The following SLC16A4 variants were observed in gnomAD, a reference collection of about 807,000 sequenced individuals.
SLC16A4 encodes the protein solute carrier family 16 member 4, also known as probable monocarboxylate transporter 5.
A neutral mutation model predicts 47.9 loss-of-function variants in SLC16A4; 39 were observed. The ratio of observed to expected loss-of-function variants is 0.81; its 90% CI spans 0.63 to 1.06. The LOEUF is 1.06. SLC16A4 is among the 50% of genes least tolerant of loss of function. The pLI is 0.00. For missense variants in SLC16A4, 524 were observed against 573.8 expected, an observed-to-expected ratio of 0.91 and a Z score of 0.89; for synonymous variants, 189 against 199.9, an observed-to-expected ratio of 0.95 and a Z score of 0.46.
At chr1:110,388,389 A>G (rs2101081531) in intron 2 of SLC16A4, among the ~76,000 whole-genome samples, 1 of 152,358 alleles carries the variant, frequency 6.6e-6, no homozygotes, top group South Asian at 2.1e-4. Context: ...TCCCTTTCCA[A>G]ACACATCGGA....
chr1:110,376,618 T>C (rs1662018130), intron 7 of SLC16A4, among the ~76,000 whole-genome samples: 1 of 152,198 alleles, frequency 6.6e-6, no homozygotes, highest in South Asian at 2.1e-4. Context: ...TCTTTAAGAT[T>C]GTGTCTTAAA....
chr1:110,382,695 C>T, intron 3 of SLC16A4, 139 bp downstream of exon 3: 2 of 837,676 alleles, frequency 2.4e-6, no homozygotes, highest in Non-Finnish European at 3.4e-6. Flanking sequence ...ATTGCAATTC[C>T]TTACTTTCTC....
chr1:110,366,678 C>G (rs544452560), intron 8 of SLC16A4, among the ~76,000 whole-genome samples: 8 of 152,206 alleles, frequency 5.3e-5, no homozygotes, highest in African/African-American at 1.9e-4. Context: ...TACCATATAG[C>G]CTAGGTGTGT....
Position 110,382,949 on chromosome 1 carries a change from C to T in SLC16A4, c.105G>A (p.Met35Ile). Residue 35 changes from methionine (M) to isoleucine (I), a missense_variant, in exon 3 of 9, where the codon ATG becomes ATA. Physicochemically the swap from Met to Ile is conservative, Grantham distance 10 (BLOSUM62 1). Coordinates refer to ENST00000369779, the MANE Select transcript of SLC16A4 (RefSeq NM_004696.3). ...AAATTGCAAAAGTCTTGGTCATCCC[C>T]ATCACAAACACATTCACCTAAATCA... Reference protein sequence around the residue: ...IHFFLVNVFVMGMTKTFAIFF... With the variant: ...IHFFLVNVFVIGMTKTFAIFF... 2 of 1,610,026 alleles carry T rather than the reference C, an allele frequency of 1.2e-6. No homozygotes were observed. The highest frequency in any genetic ancestry group is 1.7e-6 in the Non-Finnish European group (2 of 1,177,396).
rs1242161595 is a variant in SLC16A4, at chr1:110,363,869, G to A, written c.1361C>T (p.Thr454Ile). Reference sequence around the variant, plus strand: ...AGAGAAGTAGAAAGAGCCATTGTATGTCTGGGTATAATCATATAACCAGCC... The same window carrying A: ...AGAGAAGTAGAAAGAGCCATTGTATATCTGGGTATAATCATATAACCAGCC... ...IAGWLYDYTQ[T>I]YNGSFYFSGI... Residue 454 changes from threonine (T) to isoleucine (I), a missense_variant, in exon 9 of 9, where the codon ACA (threonine) becomes ATA (isoleucine). Physicochemically the swap from Thr to Ile is moderately conservative, Grantham distance 89 (BLOSUM62 -1). Transcript: ENST00000369779. 6.2e-7 allele frequency: 1 copy of A among 1,612,634 alleles called. No homozygotes were observed. The highest frequency in any genetic ancestry group is 8.5e-7 in the Non-Finnish European group (1 of 1,179,478).
At chr1:110,386,341 T>C (rs1662731971) in intron 2 of SLC16A4, among the ~76,000 whole-genome samples, 1 of 152,188 alleles carries the variant, frequency 6.6e-6, no homozygotes, top group African/African-American at 2.4e-5. Flanking sequence ...AAGGTCTAGG[T>C]TTTTCCTTAG....
At chr1:110,381,944 G>T (rs1662422114) in intron 3 of SLC16A4, 149 bp from the exon 4 acceptor site, 5 of 770,094 alleles carry the variant, frequency 6.5e-6, no homozygotes, top group Non-Finnish European at 1.0e-5. Context: ...TTTCATATCG[G>T]GTTTCTTAAT....
chr1:110,370,612 G>A (rs1435912342), intron 8 of SLC16A4: 4 of 152,150 alleles, frequency 2.6e-5, no homozygotes, highest in African/African-American at 9.7e-5. Flanking sequence ...TAGACTTGGT[G>A]CAAAATTACC....
intron 2 of SLC16A4, among the ~76,000 whole-genome samples, chr1:110,388,604 T>C (rs535981248): frequency 6.6e-6 from 1 of 152,330 alleles, no homozygotes; most frequent in East Asian, 1.9e-4. Flanking sequence ...AAAGTATGAT[T>C]GTCCCCAAAC....
intron 5 of SLC16A4, among the ~76,000 whole-genome samples, chr1:110,380,562 G>T (rs1426284523): frequency 6.8e-6 from 1 of 146,798 alleles, no homozygotes; most frequent in African/African-American, 2.5e-5. Flanking sequence ...TCCGATGGGG[G>T]AGGAGTTTTT....
rs971904832 is a variant in SLC16A4, at chr1:110,381,534, G to C, written c.364+118C>G. 19 of 955,996 alleles carry C rather than the reference G, an allele frequency of 2.0e-5. No homozygotes were observed. In the African/African-American group the frequency reaches 2.6e-4, roughly 13 times the overall value. 59.2% of individuals were successfully genotyped at this position (955,996 alleles called of 1,614,324 possible). A position where few individuals can be genotyped will look rare whatever the true frequency, so the allele number is the denominator to read the frequency against. On this transcript the variant is annotated intron_variant, in intron 4 of 8. Coordinates refer to ENST00000369779, the MANE Select transcript of SLC16A4 (RefSeq NM_004696.3). ...AGACAGGGTTTCACCATGTTGCCCAGGCTGGTCTCGAACTGGACTCAAGCG... is the reference window on the plus strand; with the variant it reads ...AGACAGGGTTTCACCATGTTGCCCACGCTGGTCTCGAACTGGACTCAAGCG...
intron 1 of SLC16A4, among the ~76,000 whole-genome samples, chr1:110,390,503 A>G (rs1436392391): frequency 1.3e-5 from 2 of 152,230 alleles, no homozygotes; most frequent in African/African-American, 4.8e-5. Flanking sequence ...GGACTGTATA[A>G]TACAGAATAC....
chr1:110,380,863 CT>C lies in SLC16A4; in HGVS notation c.526+118del, dbSNP rs373290667. 139 of 842,368 alleles carry C rather than the reference CT, an allele frequency of 1.7e-4. 2 individuals are homozygous for C. The East Asian group carries it at 3.3e-3, about 20-fold the overall frequency. 52.2% of individuals were successfully genotyped at this position (842,368 alleles called of 1,614,324 possible). ...ACTTTAGAAATTATGCTCATTTCCT[CT>C]CTTGCAATACCTTGTGAAATCGATT... On this transcript the variant is annotated intron_variant, in intron 5 of 8. Coordinates refer to ENST00000369779, the MANE Select transcript of SLC16A4 (RefSeq NM_004696.3).
At chr1:110,370,996 G>A (rs1661656942) in intron 8 of SLC16A4, 1 of 152,236 alleles carries the variant, frequency 6.6e-6, no homozygotes. Context: ...AGTCCTGGCA[G>A]TGTATGTGGC....
intron 8 of SLC16A4, among the ~76,000 whole-genome samples, chr1:110,368,408 A>T (rs1661508984): frequency 6.6e-6 from 1 of 152,208 alleles, no homozygotes; most frequent in South Asian, 2.1e-4. Flanking sequence ...TATTAAGCTG[A>T]AGACCTCTGT....
intron 6 of SLC16A4, among the ~76,000 whole-genome samples, chr1:110,378,053 TCTC>T (rs1662111566): frequency 6.6e-6 from 1 of 152,156 alleles, no homozygotes; most frequent in Admixed American, 6.6e-5. Flanking sequence ...ATGGTCTTGA[TCTC>T]CTGGCCTCAT....
intron 6 of SLC16A4, 86 bp from the exon 7 acceptor site, chr1:110,377,247 C>G (rs1662059098): frequency 8.8e-7 from 1 of 1,132,120 alleles, no homozygotes; most frequent in Non-Finnish European, 1.3e-6. Context: ...GTAATATGAT[C>G]TCATCCTGAG....
Position 110,362,869 on chromosome 1 carries a change from A to G in SLC16A4, c.*897T>C, listed in dbSNP as rs1011860930. The G allele has an allele frequency of 2.5e-4, 38 of 152,164 alleles. No individual in the cohort carries two copies. The highest frequency in any genetic ancestry group is 2.2e-3 in the Admixed American group (34 of 15,270). 9.4% of individuals were successfully genotyped at this position (152,164 alleles called of 1,614,324 possible). ...GAAGTTTTTAAAGCAATTTTTATAT[A>G]CTTTTTATTATTTAGCAATACATGT... is the stretch of plus-strand genomic sequence containing the variant. On this transcript the variant is annotated 3_prime_UTR_variant, in exon 9 of 9. Transcript: ENST00000369779.
At chr1:110,380,676 C>G (rs978957027) in intron 5 of SLC16A4, among the ~76,000 whole-genome samples, 5 of 151,940 alleles carry the variant, frequency 3.3e-5, no homozygotes, top group Admixed American at 1.3e-4. Flanking sequence ...CCAGAAGTAT[C>G]GCTTTTACTG....
Sources: allele counts gnomAD v4.1 joint callset (sites outside exome capture counted in the v4.1 genomes callset), GRCh38; gene constraint gnomAD v4.1.1; transcripts MANE v1.5; gene names NCBI Gene and HGNC (gene_info 2026-07-23, HGNC 2026-07-21).